Variants in RBBP8NL observed in about 807,000 individuals in gnomAD.
RBBP8NL encodes RBBP8 N-terminal-like protein.
A neutral mutation model predicts 62.2 loss-of-function variants in RBBP8NL; 59 were observed. The ratio of observed to expected loss-of-function variants is 0.95; its 90% confidence interval spans 0.77 to 1.18. RBBP8NL has a LOEUF of 1.18. Ranked by LOEUF, RBBP8NL falls within the 50% of genes most tolerant of loss-of-function variation. The pLI, the probability that RBBP8NL is intolerant of heterozygous loss-of-function variation, is 0.00. For missense variants in RBBP8NL, 896 were observed against 899.5 expected (o/e 1.00, Z 0.05); for synonymous variants, 412 against 394.1 (o/e 1.05, Z -0.54).
chr20:62,418,068 C>T (rs962375479), intron 3 of RBBP8NL, among the ~76,000 whole-genome samples: 3 of 152,220 alleles, frequency 2.0e-5, no homozygotes, highest in Non-Finnish European at 1.5e-5. Flanking sequence ...GGACCATAGC[C>T]GGGTCTATAA....
chr20:62,418,594 GCCAGGTGAGCC>G lies in RBBP8NL; in HGVS notation c.62-140_62-130del, dbSNP rs1601488988. ...CCCCTGCACCCCCTGGGGGAGCCCT[GCCAGGTGAGCC>G]CCTGTCTGTGCCCAGGCACGGGGCT... On this transcript the variant is annotated intron_variant, in intron 2 of 13. Coordinates refer to ENST00000252998, the MANE Select transcript of RBBP8NL (RefSeq NM_080833.3). 4.4e-6 allele frequency: 4 copies of G among 918,936 alleles called. No homozygotes were observed. In the East Asian group the frequency reaches 1.1e-4, roughly 24 times the overall value. The allele number at this position is 918,936 out of a possible 1,614,324, so 56.9% of individuals were successfully genotyped here. A position where few individuals can be genotyped will look rare whatever the true frequency, so the allele number is the denominator to read the frequency against.
chr20:62,413,033 C>T, intron 11 of RBBP8NL, 133 bp from the exon 12 acceptor site: 1 of 1,035,742 alleles, frequency 9.7e-7, no homozygotes, highest in Non-Finnish European at 1.4e-6. Flanking sequence ...TGACCTGCCC[C>T]AGGGCACTGG....
At chr20:62,424,634 G>A (rs750940702) in intron 1 of RBBP8NL, among the ~76,000 whole-genome samples, 26 of 152,170 alleles carry the variant, frequency 1.7e-4, no homozygotes, top group Non-Finnish European at 3.7e-4. Flanking sequence ...AGCCCTCCAT[G>A]GGGAGCCTGA....
Position 62,419,715 on chromosome 20 carries a change from C to T in RBBP8NL, c.-68G>A. The T allele has an allele frequency of 6.5e-7, 1 of 1,534,002 alleles. No individual in the cohort carries two copies. The highest frequency in any genetic ancestry group is 9.0e-7 in the Non-Finnish European group (1 of 1,114,696). ...GTGGAGACGCCTGCAGCCTCTACTG[C>T]CCCTCTGTGTCCATCCTGAAGAGGA... On this transcript the variant is annotated 5_prime_UTR_variant, in exon 2 of 14. Transcript: ENST00000252998.
intron 1 of RBBP8NL, among the ~76,000 whole-genome samples, chr20:62,424,175 C>T (rs747636526): frequency 7.3e-4 from 111 of 152,120 alleles, no homozygotes; most frequent in African/African-American, 2.2e-3. Flanking sequence ...CTCCCAGACC[C>T]TCCCACTCGG....
In RBBP8NL at chr20:62,414,391, C is replaced by T. The variant is rs1433181731; in HGVS notation, c.960G>A (p.Gln320=). The T allele has an allele frequency of 1.1e-5, 17 of 1,539,410 alleles. No individual in the cohort carries two copies. Among genetic ancestry groups the T allele is most frequent in the African/African-American group, 2.7e-5 (2 of 73,530 alleles). ...CCTCTGCTTCTCTGGCCTTCAGGTCCTGGAGCCGGGGGTCGCTGGGGGCTG... is the reference window on the plus strand; with the variant it reads ...CCTCTGCTTCTCTGGCCTTCAGGTCTTGGAGCCGGGGGTCGCTGGGGGCTG... ...PAAAPSDPRL[Q]DLKAREAEAW... Residue 320 remains glutamine, a synonymous_variant, in exon 10 of 14, where the codon CAG becomes CAA. Coordinates refer to ENST00000252998, the MANE Select transcript of RBBP8NL (RefSeq NM_080833.3).
In RBBP8NL at chr20:62,417,348, C is replaced by G. The variant is rs765794827; in HGVS notation, c.105-29G>C. The G allele has an allele frequency of 2.6e-6, 4 of 1,520,436 alleles. No individual in the cohort carries two copies. In the South Asian group the frequency reaches 4.8e-5, roughly 18 times the overall value. 94.2% of individuals were successfully genotyped at this position (1,520,436 alleles called of 1,614,324 possible). A position where few individuals can be genotyped will look rare whatever the true frequency, so the allele number is the denominator to read the frequency against. ...TGGTGGGAAACAGCTAAAGTGGGGT[C>G]CTGTTCCATCCAGGAAGCCACACGC... On this transcript the variant is annotated intron_variant, in intron 3 of 13. Coordinates refer to ENST00000252998, the MANE Select transcript of RBBP8NL (RefSeq NM_080833.3).
rs376069202 is a variant in RBBP8NL, at chr20:62,413,523, C to A, written c.1553G>T (p.Gly518Val). ...TPMDPSRPLP[G>V]SQLSLSSPGS... ...TGGAGAGGACAGGCTGAGCTGGGAC[C>A]CTGGAAGTGGGCGTGAGGGGTCCTG... Residue 518 changes from glycine to valine, a missense_variant, in exon 11 of 14, where the codon GGG becomes GTG. Gly to Val is a moderately radical substitution (Grantham distance 109). Coordinates refer to ENST00000252998, the MANE Select transcript of RBBP8NL (RefSeq NM_080833.3). 3.9e-6 allele frequency: 6 copies of A among 1,522,508 alleles called. No homozygotes were observed. Among genetic ancestry groups the A allele is most frequent in the Non-Finnish European group, 5.3e-6 (6 of 1,141,760 alleles). 94.3% of individuals were successfully genotyped at this position (1,522,508 alleles called of 1,614,324 possible). A position where few individuals can be genotyped will look rare whatever the true frequency, so the allele number is the denominator to read the frequency against.
In RBBP8NL at chr20:62,413,989, G is replaced by T; in HGVS notation, c.1362C>A (p.Asp454Glu). 1 of 1,570,746 alleles carries T rather than the reference G, an allele frequency of 6.4e-7. No individual in the cohort carries two copies. The highest frequency in any genetic ancestry group is 8.6e-7 in the Non-Finnish European group (1 of 1,159,118). The change falls in exon 10 of 14, where the codon GAC (aspartate) becomes GAA (glutamate). Residue 454 changes from aspartate to glutamate, a missense_variant. Asp to Glu is a conservative substitution (Grantham distance 45). Transcript: ENST00000252998. Reference protein sequence around the residue: ...LSEWGRARGQDTPKPAGQHGS... With the variant: ...LSEWGRARGQETPKPAGQHGS... ...CATGCTGGCCGGCCGGCTTGGGAGT[G>T]TCCTGGCCCCGGGCCCGGCCCCACT...
chr20:62,414,405 C>T lies in RBBP8NL; in HGVS notation c.946G>A (p.Asp316Asn), dbSNP rs751747826. ...GCCTTCAGGTCCTGGAGCCGGGGGT[C>T]GCTGGGGGCTGCAGCAGGGGCCAGG... ...SPLAPAAAPSDPRLQDLKARE... is the reference protein window; with the variant it reads ...SPLAPAAAPSNPRLQDLKARE... The change falls in exon 10 of 14, where the codon GAC becomes AAC. Residue 316 changes from aspartate to asparagine, a missense_variant. Asp to Asn is a conservative substitution (Grantham distance 23). Transcript: ENST00000252998. 28 of 1,534,660 alleles carry T rather than the reference C, an allele frequency of 1.8e-5. No homozygotes were observed. Among genetic ancestry groups the T allele is most frequent in the Non-Finnish European group, 2.3e-5 (26 of 1,133,948 alleles).
At chr20:62,423,983 G>A (rs560483713) in intron 1 of RBBP8NL, among the ~76,000 whole-genome samples, 28 of 152,122 alleles carry the variant, frequency 1.8e-4, no homozygotes, top group South Asian at 1.0e-3. Flanking sequence ...GGGGTGCTGG[G>A]GCTGGGGGAA....
intron 1 of RBBP8NL, among the ~76,000 whole-genome samples, chr20:62,420,954 G>T (rs933039351): frequency 7.2e-5 from 11 of 152,258 alleles, no homozygotes; most frequent in Non-Finnish European, 1.6e-4. Context: ...AACCCTCCCA[G>T]ACCTTTCCAA....
intron 2 of RBBP8NL, 93 bp from the exon 3 acceptor site, chr20:62,418,558 G>A (rs1399624472): frequency 1.3e-5 from 17 of 1,260,448 alleles, no homozygotes; most frequent in African/African-American, 2.9e-5. Context: ...GCTGCAATGT[G>A]GCACTCCTGT....
chr20:62,424,058 G>A (rs1466068966), intron 1 of RBBP8NL, among the ~76,000 whole-genome samples: 1 of 143,098 alleles, frequency 7.0e-6, no homozygotes, highest in Non-Finnish European at 1.5e-5. Context: ...GGGGGAGCAA[G>A]CCTACCGGGG....
chr20:62,421,634 GTGTGCCAGAGCCAGTGTGCATGTGTA>G, intron 1 of RBBP8NL, among the ~76,000 whole-genome samples: 1 of 151,120 alleles, frequency 6.6e-6, no homozygotes, highest in Middle Eastern at 3.5e-3. Context: ...GTGCATGTGT[GTGTGCCAGAGCCAGTGTGCATGTGTA>G]TGTGCTGTGT....
Position 62,410,512 on chromosome 20 carries a change from ACCCC to A in RBBP8NL, c.*362_*365del. The A allele has an allele frequency of 4.0e-6, 1 of 248,488 alleles. No individual in the cohort carries two copies. Among genetic ancestry groups the A allele is most frequent in the Non-Finnish European group, 7.8e-6 (1 of 128,442 alleles). 15.4% of individuals were successfully genotyped at this position (248,488 alleles called of 1,614,324 possible). A position where few individuals can be genotyped will look rare whatever the true frequency, so the allele number is the denominator to read the frequency against. Reference sequence around the variant, plus strand: ...GAGTGATCCCGCCTCCAGTCCCCACACCCCTCAGGGAGCAGGTGCTGGGCTGTGG... The same window carrying A: ...GAGTGATCCCGCCTCCAGTCCCCACATCAGGGAGCAGGTGCTGGGCTGTGG... On this transcript the variant is annotated 3_prime_UTR_variant, in exon 14 of 14. Transcript: ENST00000252998.
chr20:62,413,444 C>T lies in RBBP8NL; in HGVS notation c.1632G>A (p.Gln544=). The change falls in exon 11 of 14, where the codon CAG becomes CAA. Residue 544 remains glutamine (Q), a synonymous_variant. Transcript: ENST00000252998. ...CAGGCGGCTGTGGGTGGGGAGGCGG[C>T]TGTGGGTGGGGAGGTGGCAGAGGCC... is the stretch of plus-strand genomic sequence containing the variant. ...TGRPLPPPHP[Q]PPPHPQPPDL... 2.0e-6 allele frequency: 3 copies of T among 1,465,788 alleles called. No individual in the cohort carries two copies. Among genetic ancestry groups the T allele is most frequent in the South Asian group, 1.5e-5 (1 of 64,584 alleles). The allele number at this position is 1,465,788 out of a possible 1,614,324, so 90.8% of individuals were successfully genotyped here.
At chr20:62,411,341 G>T (rs1988431063) in intron 13 of RBBP8NL, among the ~76,000 whole-genome samples, 1 of 152,228 alleles carries the variant, frequency 6.6e-6, no homozygotes, top group Admixed American at 6.5e-5. Flanking sequence ...CCGGGCTAGG[G>T]CCACATGGGA....
chr20:62,415,117 G>T lies in RBBP8NL; in HGVS notation c.794+4C>A. 2.1e-6 allele frequency: 3 copies of T among 1,461,252 alleles called. No homozygotes were observed. Among genetic ancestry groups the T allele is most frequent in the South Asian group, 2.8e-5 (2 of 70,238 alleles). The allele number at this position is 1,461,252 out of a possible 1,614,324, so 90.5% of individuals were successfully genotyped here. A position where few individuals can be genotyped will look rare whatever the true frequency, so the allele number is the denominator to read the frequency against. ...CTCTGGGTGAGGGTGGGGCAGGCGG[G>T]CACCTGTCCAGGGAGAGGCCACGCT... On this transcript the variant is annotated splice_donor_region_variant and intron_variant, in intron 9 of 13. Transcript: ENST00000252998.
Sources: allele counts gnomAD v4.1 joint callset (sites outside exome capture counted in the v4.1 genomes callset), GRCh38; gene constraint gnomAD v4.1.1; transcripts MANE v1.5; gene names NCBI Gene and HGNC (gene_info 2026-07-23, HGNC 2026-07-21).